CLSTN2: variants seen among roughly 807,000 people sequenced by gnomAD.
The protein encoded by CLSTN2 is calsyntenin 2.
CLSTN2 carries 48 observed loss-of-function variants against 101.2 expected under a neutral mutation model. The ratio of observed to expected loss-of-function variants is 0.47; its 90% CI spans 0.38 to 0.60. CLSTN2 has a LOEUF of 0.60. CLSTN2 is among the 20% of genes least tolerant of loss of function. The pLI, the probability that CLSTN2 is intolerant of heterozygous loss-of-function variation, is 0.00. For missense variants in CLSTN2, 1,160 were observed against 1,238.2 expected, an observed-to-expected ratio of 0.94 and a Z score of 0.95; for synonymous variants, 481 against 463.6, an observed-to-expected ratio of 1.04 and a Z score of -0.48.
intron 2 of CLSTN2, among the ~76,000 whole-genome samples, chr3:140,284,421 A>G (rs763213942): frequency 6.6e-5 from 10 of 152,136 alleles, no homozygotes; most frequent in Non-Finnish European, 8.8e-5. Flanking sequence ...TGTTCCACAT[A>G]TATAATGTTC....
At chr3:140,535,426 T>C (rs973452266) in intron 9 of CLSTN2, among the ~76,000 whole-genome samples, 8 of 152,244 alleles carry the variant, frequency 5.3e-5, no homozygotes, top group African/African-American at 1.7e-4. Context: ...TACAATTTAT[T>C]TAAAAGCCAT....
intron 2 of CLSTN2, among the ~76,000 whole-genome samples, chr3:140,185,371 T>C (rs2010471065): frequency 6.6e-6 from 1 of 152,132 alleles, no homozygotes; most frequent in Admixed American, 6.5e-5. Flanking sequence ...TTTTTTTCTA[T>C]TGGAAGAACA....
rs1052774149 is a variant in CLSTN2 at position 140,154,708 on chromosome 3, G to A, written c.110-21243G>A. Among the ~76,000 whole-genome samples, 14 of 129,242 alleles carry A rather than the reference G, an allele frequency of 1.1e-4. No individual in the cohort carries two copies. The East Asian group carries it at 1.3e-3, about 12-fold the overall frequency. 84.8% of individuals were successfully genotyped at this position (129,242 alleles called of 152,430 possible). A position where few individuals can be genotyped will look rare whatever the true frequency, so the allele number is the denominator to read the frequency against. On this transcript the variant is annotated intron_variant, in intron 1 of 16. Coordinates refer to ENST00000458420, the MANE Select transcript of CLSTN2 (RefSeq NM_022131.3). ...CGCCCAGGCTGGAGTGCAGTGGCCC[G>A]ATCTCGGCTCACTACAAGCTCTGCC...
chr3:140,194,010 A>C (rs1341668063), intron 2 of CLSTN2, among the ~76,000 whole-genome samples: 9 of 152,008 alleles, frequency 5.9e-5, no homozygotes, highest in African/African-American at 2.2e-4. Context: ...GAGACTTTCT[A>C]CTTCTTTTCT....
intron 1 of CLSTN2, among the ~76,000 whole-genome samples, chr3:140,003,113 T>G (rs1368373433): frequency 6.6e-6 from 1 of 152,216 alleles, no homozygotes; most frequent in East Asian, 1.9e-4. Flanking sequence ...GTAATTGGTA[T>G]TTTGATAGGA....
chr3:139,955,419 A>G (rs1171202912), intron 1 of CLSTN2, among the ~76,000 whole-genome samples: 1 of 152,134 alleles, frequency 6.6e-6, no homozygotes, highest in Non-Finnish European at 1.5e-5. Context: ...TAGGTTATCC[A>G]TTGCTGCCTA....
intron 2 of CLSTN2, among the ~76,000 whole-genome samples, chr3:140,292,760 T>C (rs2061929): frequency 0.43 from 65,990 of 152,102 alleles, 14,985 homozygotes; most frequent in Non-Finnish European, 0.48. Flanking sequence ...ATAGCCGTCA[T>C]GGGGCTGCTG....
At chr3:140,447,524 C>T (rs1266838580) in intron 5 of CLSTN2, among the ~76,000 whole-genome samples, 1 of 152,204 alleles carries the variant, frequency 6.6e-6, no homozygotes, top group Non-Finnish European at 1.5e-5. Context: ...TGCATGGTGC[C>T]ATTTTAATCG....
At chr3:140,075,510 A>G (rs1308420814) in intron 1 of CLSTN2, among the ~76,000 whole-genome samples, 1 of 152,102 alleles carries the variant, frequency 6.6e-6, no homozygotes, top group South Asian at 2.1e-4. Flanking sequence ...AAGTTCTAAT[A>G]CTCTTACATC....
intron 1 of CLSTN2, among the ~76,000 whole-genome samples, chr3:140,154,614 G>GGA (rs1229159631): frequency 6.6e-6 from 1 of 150,582 alleles, no homozygotes; most frequent in Admixed American, 6.6e-5. Context: ...AATGGTAGCA[G>GGA]GAGAGAGAGA....
intron 1 of CLSTN2, among the ~76,000 whole-genome samples, chr3:139,994,691 G>T (rs1387830777): frequency 6.6e-6 from 1 of 152,150 alleles, no homozygotes; most frequent in African/African-American, 2.4e-5. Context: ...TTTAATGCTT[G>T]CATGACACGT....
chr3:140,171,797 TA>T (rs1391034958), intron 1 of CLSTN2, among the ~76,000 whole-genome samples: 26 of 106,502 alleles, frequency 2.4e-4, no homozygotes, highest in Non-Finnish European at 4.3e-4. Flanking sequence ...ATATAATATA[TA>T]ATATGTATTA....
At chr3:140,558,364 T>G (rs1485998491) in intron 11 of CLSTN2, among the ~76,000 whole-genome samples, 2 of 152,242 alleles carry the variant, frequency 1.3e-5, no homozygotes, top group African/African-American at 4.8e-5. Flanking sequence ...GTCATTGATT[T>G]CTTTGTTAAA....
At chr3:140,563,933 T>C (rs370546173) in intron 15 of CLSTN2, 28 bp from the exon 16 acceptor site, 3 of 1,610,082 alleles carry the variant, frequency 1.9e-6, no homozygotes, top group African/African-American at 1.3e-5. Context: ...TTGTTCACCA[T>C]GTCATGCGAG....
intron 2 of CLSTN2, among the ~76,000 whole-genome samples, chr3:140,383,930 C>G (rs184717726): frequency 2.6e-5 from 4 of 152,108 alleles, no homozygotes; most frequent in African/African-American, 9.7e-5. Context: ...ATACCAATAT[C>G]CACGTACTGT....
intron 2 of CLSTN2, among the ~76,000 whole-genome samples, chr3:140,281,715 G>C (rs1344777401): frequency 1.3e-5 from 2 of 151,666 alleles, no homozygotes; most frequent in Non-Finnish European, 2.9e-5. Flanking sequence ...GATAATTTTA[G>C]AGGGAGTCTT....
chr3:140,565,512 G>A (rs1481529368), intron 16 of CLSTN2, among the ~76,000 whole-genome samples: 1 of 152,172 alleles, frequency 6.6e-6, no homozygotes, highest in East Asian at 1.9e-4. Context: ...CAGGGGGTGA[G>A]CAGCAAGCAT....
At chr3:139,992,271 G>C (rs996795882) in intron 1 of CLSTN2, among the ~76,000 whole-genome samples, 6 of 152,158 alleles carry the variant, frequency 3.9e-5, no homozygotes, top group Non-Finnish European at 8.8e-5. Flanking sequence ...ATTGAGGATC[G>C]CTCGTGCAAT....
At chr3:139,999,909 C>A (rs2006785223) in intron 1 of CLSTN2, among the ~76,000 whole-genome samples, 1 of 151,240 alleles carries the variant, frequency 6.6e-6, no homozygotes, top group Admixed American at 6.6e-5. Context: ...GAGCTATGAT[C>A]ACGCCACTGC....
Sources: gnomAD v4.1 joint callset for allele counts (sites outside exome capture counted in the v4.1 genomes callset) on GRCh38, gnomAD v4.1.1 for gene constraint, MANE v1.5 for transcripts, NCBI Gene and HGNC (gene_info 2026-07-23, HGNC 2026-07-21) for gene names.